Variants in PREX2 observed in about 807,000 individuals in gnomAD.
PREX2 encodes phosphatidylinositol-3,4,5-trisphosphate dependent Rac exchange factor 2.
PREX2 carries 107 observed loss-of-function variants against 203.2 expected under a neutral mutation model. That is an observed-to-expected ratio of 0.53 (90% CI 0.45 to 0.62). The LOEUF is 0.62. PREX2 is among the 20% of genes least tolerant of loss of function. The pLI is 0.00. For missense variants in PREX2, 1,777 were observed against 1,955.9 expected, an observed-to-expected ratio of 0.91 and a Z score of 1.72; for synonymous variants, 672 against 663.6, an observed-to-expected ratio of 1.01 and a Z score of -0.19.
chr8:67,977,226 T>C (rs1467925545), intron 1 of PREX2, among the ~76,000 whole-genome samples: 1 of 152,124 alleles, frequency 6.6e-6, no homozygotes, highest in Non-Finnish European at 1.5e-5. Context: ...CAGTAGGATA[T>C]AAGGAGAAAT....
chr8:68,098,405 T>G (rs1048187636), intron 22 of PREX2, among the ~76,000 whole-genome samples: 4 of 152,170 alleles, frequency 2.6e-5, no homozygotes, highest in Non-Finnish European at 5.9e-5. Flanking sequence ...ATCTTTTGGT[T>G]TTATATTCTG....
intron 37 of PREX2, among the ~76,000 whole-genome samples, chr8:68,200,161 A>AT (rs1340099744): frequency 1.3e-5 from 2 of 152,122 alleles, no homozygotes; most frequent in African/African-American, 4.8e-5. Flanking sequence ...CAGAAGAAAT[A>AT]TTTTTTCTAG....
chr8:67,985,525 A>G (rs1322720864), intron 1 of PREX2, among the ~76,000 whole-genome samples: 1 of 152,120 alleles, frequency 6.6e-6, no homozygotes, highest in Non-Finnish European at 1.5e-5. Context: ...TCTAAATGTC[A>G]ATATTAGAGC....
chr8:68,096,964 G>T lies in PREX2; in HGVS notation c.2369-53G>T. On this transcript the variant is annotated intron_variant, in intron 21 of 39. Transcript: ENST00000288368. The stretch of plus-strand genomic sequence containing the variant: ...TTAAAGAGACACAAAATTATTTGAG[G>T]AGATTAACAAATCCTTCATGAATTT... The T allele has an allele frequency of 7.0e-6, 10 of 1,429,246 alleles. No homozygotes were observed. In the South Asian group the frequency reaches 1.2e-4, roughly 17 times the overall value. The allele number at this position is 1,429,246 out of a possible 1,614,324, so 88.5% of individuals were successfully genotyped here.
intron 1 of PREX2, among the ~76,000 whole-genome samples, chr8:67,961,982 A>G (rs1435274849): frequency 1.3e-5 from 2 of 152,226 alleles, no homozygotes; most frequent in Admixed American, 6.5e-5. Context: ...GATTAAATTT[A>G]GAATACTGAT....
At chr8:68,081,458 A>G (rs1809521442) in intron 17 of PREX2, among the ~76,000 whole-genome samples, 2 of 152,098 alleles carry the variant, frequency 1.3e-5, no homozygotes, top group African/African-American at 4.8e-5. Context: ...TGGGAGGCCA[A>G]GTGGCTCATT....
intron 13 of PREX2, among the ~76,000 whole-genome samples, chr8:68,071,882 G>A (rs1176852573): frequency 2.6e-5 from 4 of 152,148 alleles, no homozygotes; most frequent in East Asian, 1.9e-4. Context: ...GGAGCATTCA[G>A]GAGCAGGAAT....
chr8:68,132,402 C>A (rs576904433), intron 31 of PREX2, among the ~76,000 whole-genome samples: 5 of 151,730 alleles, frequency 3.3e-5, no homozygotes, highest in African/African-American at 1.2e-4. Context: ...TATGGAATGG[C>A]CACATTCCAC....
At chr8:68,050,824 G>C (rs975339008) in intron 8 of PREX2, among the ~76,000 whole-genome samples, 2 of 152,144 alleles carry the variant, frequency 1.3e-5, no homozygotes, top group African/African-American at 4.8e-5. Context: ...AGAGGAGAGT[G>C]GGGTAGCTTG....
chr8:68,005,726 G>A (rs1242211422), intron 1 of PREX2, among the ~76,000 whole-genome samples: 3 of 151,900 alleles, frequency 2.0e-5, no homozygotes, highest in Admixed American at 6.6e-5. Context: ...ATTTTTCTTC[G>A]TAGTATGTAC....
At chr8:68,031,285 C>T (rs1377621016) in intron 6 of PREX2, among the ~76,000 whole-genome samples, 1 of 152,068 alleles carries the variant, frequency 6.6e-6, no homozygotes, top group Non-Finnish European at 1.5e-5. Context: ...GTTACTTTAC[C>T]ACTATGCAAA....
chr8:68,074,437 T>C (rs900467497), intron 14 of PREX2, among the ~76,000 whole-genome samples: 11 of 152,182 alleles, frequency 7.2e-5, no homozygotes, highest in African/African-American at 2.2e-4. Flanking sequence ...TAGATTTTAG[T>C]TTTTACAACT....
intron 31 of PREX2, among the ~76,000 whole-genome samples, chr8:68,128,720 A>G (rs1457216333): frequency 6.6e-6 from 1 of 152,182 alleles, no homozygotes; most frequent in African/African-American, 2.4e-5. Context: ...TACTGGCCCC[A>G]GCATGTAACT....
chr8:67,967,870 G>A (rs1805818634), intron 1 of PREX2, among the ~76,000 whole-genome samples: 1 of 152,058 alleles, frequency 6.6e-6, no homozygotes, highest in Non-Finnish European at 1.5e-5. Context: ...TCATAGGTGG[G>A]AATTGAACAA....
At chr8:68,099,919 A>C in intron 23 of PREX2, 76 bp downstream of exon 23, 1 of 1,293,094 alleles carries the variant, frequency 7.7e-7, no homozygotes, top group South Asian at 1.2e-5. Context: ...TCAATTTTTG[A>C]TATTTTCTTT....
intron 35 of PREX2, among the ~76,000 whole-genome samples, chr8:68,178,358 A>G (rs905560069): frequency 1.3e-5 from 2 of 151,896 alleles, no homozygotes; most frequent in Admixed American, 6.6e-5. Context: ...TTTGATTTGC[A>G]TTTATCTAAT....
intron 1 of PREX2, among the ~76,000 whole-genome samples, chr8:67,956,830 T>C (rs978074788): frequency 1.3e-5 from 2 of 152,262 alleles, no homozygotes; most frequent in Non-Finnish European, 2.9e-5. Flanking sequence ...CTATGTGTCT[T>C]GTCATAAACC....
At chr8:68,121,089 A>G (rs532201388) in intron 30 of PREX2, 40 bp downstream of exon 30, 37 of 1,603,144 alleles carry the variant, frequency 2.3e-5, no homozygotes, top group Admixed American at 5.2e-5. Context: ...GATATTAGCA[A>G]TAATCAATTT....
At position 68,083,371 on chromosome 8, in the gene PREX2, G is replaced by A. The variant is rs151266276; in HGVS notation, c.2010G>A (p.Val670=). The A allele has an allele frequency of 6.2e-7, 1 of 1,608,892 alleles. No homozygotes were observed. Among genetic ancestry groups the A allele is most frequent in the Non-Finnish European group, 8.5e-7 (1 of 1,176,732 alleles). ...GCAGAAAACCTCTAAGAGTTCTTGT[G>A]AGCACAAAGCCAAGAGAGTAAGTTG... is the stretch of plus-strand genomic sequence containing the variant. The part of the protein sequence containing the change: ...LNSRKPLRVL[V]STKPRETVKI... The change falls in exon 18 of 40, where the codon GTG becomes GTA. Residue 670 remains valine (V), a synonymous_variant. Coordinates refer to ENST00000288368, the MANE Select transcript of PREX2 (RefSeq NM_024870.4).
Sources: gnomAD v4.1 joint callset for allele counts (sites outside exome capture counted in the v4.1 genomes callset) on GRCh38, gnomAD v4.1.1 for gene constraint, MANE v1.5 for transcripts, NCBI Gene and HGNC (gene_info 2026-07-23, HGNC 2026-07-21) for gene names.